TES: variants seen among roughly 807,000 people sequenced by gnomAD.
TES encodes the protein testin.
TES carries 41 observed loss-of-function variants against 48.2 expected under a neutral mutation model. The ratio of observed to expected loss-of-function variants is 0.85; its 90% CI spans 0.66 to 1.10. The LOEUF is 1.10. Among genes scored for constraint, TES ranks in the 50% least tolerant of loss-of-function variants. The pLI, the probability that TES is intolerant of heterozygous loss-of-function variation, is 0.00. For missense variants in TES, 463 were observed against 515.1 expected, an observed-to-expected ratio of 0.90 and a Z score of 0.98; for synonymous variants, 162 against 174.9, an observed-to-expected ratio of 0.93 and a Z score of 0.58.
At position 116,236,154 on chromosome 7, in the gene TES, C is replaced by T. The variant is rs557764916; in HGVS notation, c.113+1535C>T. Reference sequence around the variant, plus strand: ...GTTTTCATGAATTAGAACATCTCTGCTCTTAATGCTCACACTATTTTCTAT... The same window carrying T: ...GTTTTCATGAATTAGAACATCTCTGTTCTTAATGCTCACACTATTTTCTAT... On this transcript the variant is annotated intron_variant, in intron 2 of 6. Coordinates refer to ENST00000358204, the MANE Select transcript of TES (RefSeq NM_015641.4). 2.0e-5 allele frequency among the ~76,000 whole-genome samples: 3 copies of T among 152,288 alleles called. No individual in the cohort carries two copies. In the South Asian group the frequency reaches 6.2e-4, roughly 32 times the overall value.
chr7:116,253,984 T>G (rs940117089), intron 6 of TES, among the ~76,000 whole-genome samples: 1 of 152,120 alleles, frequency 6.6e-6, no homozygotes, highest in Non-Finnish European at 1.5e-5. Flanking sequence ...TTAGAAAATG[T>G]TTGAGTGACT....
In TES at chr7:116,250,506, G is replaced by T; in HGVS notation, c.702+10G>T. On this transcript the variant is annotated intron_variant, in intron 4 of 6. Transcript: ENST00000358204. The stretch of plus-strand genomic sequence containing the variant: ...CAAAAGAACTCAATATGTAAGTAGA[G>T]TGGTCACACTGTTAGCCTGATTTGT... 6.6e-7 allele frequency: 1 copy of T among 1,506,482 alleles called. No individual in the cohort carries two copies. The highest frequency in any genetic ancestry group is 8.9e-7 in the Non-Finnish European group (1 of 1,129,034). 93.3% of individuals were successfully genotyped at this position (1,506,482 alleles called of 1,614,324 possible). A position where few individuals can be genotyped will look rare whatever the true frequency, so the allele number is the denominator to read the frequency against.
chr7:116,229,329 T>C (rs1418355483), intron 1 of TES, among the ~76,000 whole-genome samples: 2 of 152,036 alleles, frequency 1.3e-5, no homozygotes, highest in African/African-American at 2.4e-5. Context: ...TGTCCAAGAA[T>C]AGTCATAGCC....
intron 2 of TES, among the ~76,000 whole-genome samples, chr7:116,242,750 G>A (rs1464289119): frequency 6.6e-6 from 1 of 151,834 alleles, no homozygotes; most frequent in Non-Finnish European, 1.5e-5. Flanking sequence ...AGAAAACTTA[G>A]TAAATTCTTC....
Position 116,251,959 on chromosome 7 carries a change from G to A in TES, c.902G>A (p.Cys301Tyr). 6.2e-7 allele frequency: 1 copy of A among 1,614,176 alleles called. No homozygotes were observed. The highest frequency in any genetic ancestry group is 8.5e-7 in the Non-Finnish European group (1 of 1,180,020). Residue 301 changes from cysteine to tyrosine, a missense_variant, in exon 5 of 7, where the codon TGT (cysteine) becomes TAT (tyrosine). Cys to Tyr is a radical substitution (Grantham distance 194). Transcript: ENST00000358204. Reference protein sequence around the residue: ...RHYCDSEKPRCAGCDELIFSN... With the variant: ...RHYCDSEKPRYAGCDELIFSN... The stretch of plus-strand genomic sequence containing the variant: ...TACTGTGACAGCGAGAAACCCCGAT[G>A]TGCTGGCTGTGACGAGGTATGTTCT...
At chr7:116,230,602 T>C (rs570873828) in intron 1 of TES, among the ~76,000 whole-genome samples, 1 of 152,322 alleles carries the variant, frequency 6.6e-6, no homozygotes, top group South Asian at 2.1e-4. Context: ...CTTTCCTCTT[T>C]ACCAGTCTCT....
rs747338666 is a variant in TES, at chr7:116,249,326, TG to T, written c.366+58del. The T allele has an allele frequency of 3.1e-6, 5 of 1,605,396 alleles. No individual in the cohort carries two copies. The South Asian group carries it at 5.5e-5, about 18-fold the overall frequency. ...TATTGAAGTTCCTGGAGTATTTATT[TG>T]GGGCAGTTTCTTTGATGACCTAATC... On this transcript the variant is annotated intron_variant, in intron 3 of 6. Transcript: ENST00000358204.
At position 116,257,623 on chromosome 7, in the gene TES, AT is replaced by A; in HGVS notation, c.*147del. ...GAGATTTTGTTTAATTTTTTTGGCC[AT>A]TTTTTCTTCATCAATTTTTTTTCGG... On this transcript the variant is annotated 3_prime_UTR_variant, in exon 7 of 7. Coordinates refer to ENST00000358204, the MANE Select transcript of TES (RefSeq NM_015641.4). 1 of 833,316 alleles carries A rather than the reference AT, an allele frequency of 1.2e-6. No individual in the cohort carries two copies. Among genetic ancestry groups the A allele is most frequent in the Non-Finnish European group, 1.6e-6 (1 of 606,356 alleles). 51.6% of individuals were successfully genotyped at this position (833,316 alleles called of 1,614,324 possible). A position where few individuals can be genotyped will look rare whatever the true frequency, so the allele number is the denominator to read the frequency against.
intron 2 of TES, among the ~76,000 whole-genome samples, chr7:116,242,505 C>A (rs1799861283): frequency 8.5e-6 from 1 of 117,858 alleles, no homozygotes; most frequent in African/African-American, 3.1e-5. Context: ...TCTTCACCAC[C>A]TATCTCTCTC....
chr7:116,253,745 G>T (rs1195178906), intron 6 of TES, among the ~76,000 whole-genome samples: 3 of 151,978 alleles, frequency 2.0e-5, no homozygotes, highest in Non-Finnish European at 4.4e-5. Context: ...TATTCCTTTA[G>T]ATTCAGTTTA....
chr7:116,234,083 T>G (rs1299242766), intron 1 of TES, among the ~76,000 whole-genome samples: 1 of 152,072 alleles, frequency 6.6e-6, no homozygotes, highest in Non-Finnish European at 1.5e-5. Context: ...ATAATAATAT[T>G]TATCATAATA....
chr7:116,250,631 A>T, intron 4 of TES, 135 bp downstream of exon 4: 2 of 714,022 alleles, frequency 2.8e-6, no homozygotes, highest in Non-Finnish European at 4.1e-6. Flanking sequence ...TAGGATTTAG[A>T]TTCAGTTTAG....
chr7:116,241,130 G>A (rs1054898940), intron 2 of TES, among the ~76,000 whole-genome samples: 1 of 152,128 alleles, frequency 6.6e-6, no homozygotes, highest in Non-Finnish European at 1.5e-5. Flanking sequence ...GATCACAGTG[G>A]CATCCTTTTC....
chr7:116,214,975 G>A (rs886433497), intron 1 of TES, among the ~76,000 whole-genome samples: 1 of 152,120 alleles, frequency 6.6e-6, no homozygotes, highest in Non-Finnish European at 1.5e-5. Flanking sequence ...TCCACCTCTG[G>A]ATTATACTTA....
At chr7:116,251,295 C>T (rs1040909749) in intron 4 of TES, among the ~76,000 whole-genome samples, 10 of 152,154 alleles carry the variant, frequency 6.6e-5, no homozygotes, top group African/African-American at 2.2e-4. Flanking sequence ...ATTATTAATA[C>T]GTTATTATCT....
At chr7:116,223,233 A>G (rs1278609286) in intron 1 of TES, among the ~76,000 whole-genome samples, 3 of 152,206 alleles carry the variant, frequency 2.0e-5, no homozygotes, top group Non-Finnish European at 4.4e-5. Context: ...AAGGTTACAT[A>G]TTAAGTTTCA....
chr7:116,216,273 G>C (rs995774347), intron 1 of TES, among the ~76,000 whole-genome samples: 1 of 152,090 alleles, frequency 6.6e-6, no homozygotes, highest in African/African-American at 2.4e-5. Flanking sequence ...ATTAGGAAAG[G>C]TCAGTAAGTC....
rs778894836 is a variant in TES, at chr7:116,250,307, G to A, written c.513G>A (p.Glu171=). 1.2e-6 allele frequency: 2 copies of A among 1,613,744 alleles called. No homozygotes were observed. Among genetic ancestry groups the A allele is most frequent in the Admixed American group, 1.7e-5 (1 of 59,974 alleles). ...AGTGCCATGAGTTGTCTCCCAGAGA[G>A]GTGAAGGAGATGGAGCAGTTTGTGA... ...PSKCHELSPR[E]VKEMEQFVKK... is the part of the protein sequence containing the mutation. Residue 171 remains glutamate (E), a synonymous_variant, in exon 4 of 7, where the codon GAG becomes GAA. Coordinates refer to ENST00000358204, the MANE Select transcript of TES (RefSeq NM_015641.4).
Position 116,252,437 on chromosome 7 carries a change from G to A in TES, c.1038G>A (p.Lys346=), listed in dbSNP as rs1800030583. 3.1e-6 allele frequency: 5 copies of A among 1,614,108 alleles called. No individual in the cohort carries two copies. The highest frequency in any genetic ancestry group is 1.3e-5 in the African/African-American group (1 of 74,944). Reference sequence around the variant, plus strand: ...AGATATACGTGATGGTCAATGACAAGCCCGTGTGCAAGCCCTGCTATGTGA... The same window carrying A: ...AGATATACGTGATGGTCAATGACAAACCCGTGTGCAAGCCCTGCTATGTGA... ...AGEIYVMVND[K]PVCKPCYVKN... is the part of the protein sequence containing the mutation. Residue 346 remains lysine, a synonymous_variant, in exon 6 of 7, where the codon AAG becomes AAA. Coordinates refer to ENST00000358204, the MANE Select transcript of TES (RefSeq NM_015641.4).
Sources: allele counts gnomAD v4.1 joint callset (sites outside exome capture counted in the v4.1 genomes callset), GRCh38; gene constraint gnomAD v4.1.1; transcripts MANE v1.5; gene names NCBI Gene and HGNC (gene_info 2026-07-23, HGNC 2026-07-21).